Variants in ING4 observed in about 807,000 individuals in gnomAD.
ING4 encodes inhibitor of growth protein 4.
Under a neutral mutation model 33.1 loss-of-function variants are expected in ING4, and 28 were observed. That is an observed-to-expected ratio of 0.85 (90% CI 0.63 to 1.16). ING4 has a LOEUF of 1.16. Ranked by LOEUF, ING4 falls within the 50% of genes most tolerant of loss-of-function variation. The pLI, the probability that ING4 is intolerant of heterozygous loss-of-function variation, is 0.00. For synonymous variants in ING4, 87 were observed against 104.4 expected (o/e 0.83, Z 1.02); for missense variants, 247 against 314.7 (o/e 0.78, Z 1.63).
At chr12:6,656,446 A>C in intron 2 of ING4, 1 of 295,568 alleles carries the variant, frequency 3.4e-6, no homozygotes, top group African/African-American at 2.3e-5. Flanking sequence ...AAGTGCTGGG[A>C]TTACAGGTGT....
At chr12:6,660,870 G>C (rs1949525010) in intron 1 of ING4, among the ~76,000 whole-genome samples, 1 of 152,154 alleles carries the variant, frequency 6.6e-6, no homozygotes, top group African/African-American at 2.4e-5. Context: ...AGGCTGGAGT[G>C]CAATGGCGCA....
rs1949359895 is a variant in ING4 at position 6,656,575 on chromosome 12, A to G, written c.109+152T>C. The G allele has an allele frequency of 1.1e-5, 7 of 612,396 alleles. No homozygotes were observed. In the South Asian group the frequency reaches 1.2e-4, roughly 11 times the overall value. 37.9% of individuals were successfully genotyped at this position (612,396 alleles called of 1,614,324 possible). Reference sequence around the variant, plus strand: ...AAAAGCTGACACAGAAATGAGGATCATTATCCTGTTTTAAGAATTCCAAGA... The same window carrying G: ...AAAAGCTGACACAGAAATGAGGATCGTTATCCTGTTTTAAGAATTCCAAGA... On this transcript the variant is annotated intron_variant, in intron 2 of 7. Transcript: ENST00000341550.
chr12:6,653,345 C>T lies in ING4; in HGVS notation c.161G>A (p.Arg54His), dbSNP rs371595694. ...KLATEYMSSARSLSSEEKLAL... is the reference protein window; with the variant it reads ...KLATEYMSSAHSLSSEEKLAL... ...CAATTTTTCCTCGGAGCTCAGGCTG[C>T]GGGCACTACTCATATACTCAGTGGC... The change falls in exon 3 of 8, where the codon CGC becomes CAC. Residue 54 changes from arginine to histidine, a missense_variant. Arg to His is a conservative substitution (Grantham distance 29). Around this residue, in one of 3 missense-constraint regions of ING4, gnomAD observed 198 missense variants for 221.2 expected, o/e 0.89. Coordinates refer to ENST00000341550, the MANE Select transcript of ING4 (RefSeq NM_016162.4). The T allele has an allele frequency of 1.8e-5, 29 of 1,614,010 alleles. No homozygotes were observed. Among genetic ancestry groups the T allele is most frequent in the Middle Eastern group, 1.6e-4 (1 of 6,084 alleles).
At chr12:6,651,485 T>C (rs1949177745) in intron 6 of ING4, 100 bp from the exon 7 acceptor site, 1 of 971,238 alleles carries the variant, frequency 1.0e-6, no homozygotes, top group African/African-American at 1.6e-5. Context: ...CTTTACTCCA[T>C]CCTTTTGGAG....
At chr12:6,658,749 C>T (rs1287198907) in intron 1 of ING4, among the ~76,000 whole-genome samples, 3 of 152,134 alleles carry the variant, frequency 2.0e-5, no homozygotes, top group Non-Finnish European at 2.9e-5. Flanking sequence ...GTCACTCTCC[C>T]GCTTATAACC....
At chr12:6,653,446 G>C in intron 2 of ING4, 50 bp from the exon 3 acceptor site, 1 of 1,542,782 alleles carries the variant, frequency 6.5e-7, no homozygotes, top group East Asian at 2.3e-5. Context: ...GTGGCTAGGT[G>C]AAACACATTT....
intron 5 of ING4, 78 bp from the exon 6 acceptor site, chr12:6,652,496 A>G: frequency 6.6e-7 from 1 of 1,509,778 alleles, no homozygotes; most frequent in Non-Finnish European, 9.1e-7. Flanking sequence ...GTGGCAGGAG[A>G]TCCTGGTAGG....
In ING4 at chr12:6,653,054, G is replaced by A; in HGVS notation, c.277-4C>T. ...GCCGCCGAATGTGTTTGTCCACCTG[G>A]GTGGAAAGGAAGGAGAAAGGAGAGG... On this transcript the variant is annotated splice_region_variant and splice_polypyrimidine_tract_variant and intron_variant, in intron 3 of 7. Transcript: ENST00000341550. 1 of 1,613,676 alleles carries A rather than the reference G, an allele frequency of 6.2e-7. No homozygotes were observed. Among genetic ancestry groups the A allele is most frequent in the Non-Finnish European group, 8.5e-7 (1 of 1,179,666 alleles).
intron 2 of ING4, among the ~76,000 whole-genome samples, chr12:6,655,106 T>G (rs1949314135): frequency 6.6e-6 from 1 of 151,992 alleles, no homozygotes; most frequent in African/African-American, 2.4e-5. Context: ...TGCAGTAGTG[T>G]GATTTCAGCT....
rs75082820 is a variant in ING4, at chr12:6,660,805, C to T, written c.37+2260G>A. Among the ~76,000 whole-genome samples, 239 of 152,018 alleles carry T rather than the reference C, an allele frequency of 1.6e-3. 5 individuals are homozygous for T. In the East Asian group the frequency reaches 0.04, roughly 25 times the overall value. The stretch of plus-strand genomic sequence containing the variant: ...GCAGCAGTTGGCATGATCTTTTCTC[C>T]GCTGAGTAACTTTCTTTTCTTTTCT... On this transcript the variant is annotated intron_variant, in intron 1 of 7. Transcript: ENST00000341550.
intron 5 of ING4, 82 bp downstream of exon 5, chr12:6,652,580 G>T: frequency 4.3e-6 from 6 of 1,405,820 alleles, no homozygotes; most frequent in South Asian, 1.2e-5. Context: ...TATAGAAAGC[G>T]GCAGGGGGCG....
chr12:6,654,331 CT>C (rs1238643921), intron 2 of ING4, among the ~76,000 whole-genome samples: 434 of 138,746 alleles, frequency 3.1e-3, no homozygotes, highest in Non-Finnish European at 3.1e-3. Flanking sequence ...CTCTATTTTT[CT>C]TTTTTTTTTT....
At chr12:6,662,149 C>T (rs1949574405) in intron 1 of ING4, among the ~76,000 whole-genome samples, 1 of 152,194 alleles carries the variant, frequency 6.6e-6, no homozygotes, top group Non-Finnish European at 1.5e-5. Flanking sequence ...TTTGCGGATG[C>T]TTTCCCCAAC....
intron 1 of ING4, among the ~76,000 whole-genome samples, chr12:6,658,725 G>T (rs904336769): frequency 6.6e-6 from 1 of 152,006 alleles, no homozygotes; most frequent in Non-Finnish European, 1.5e-5. Flanking sequence ...AATAAAAAAT[G>T]CAAACCTAAT....
intron 2 of ING4, chr12:6,655,957 T>A (rs1272632887): frequency 4.4e-6 from 2 of 449,790 alleles, no homozygotes; most frequent in African/African-American, 4.0e-5. Context: ...CAATTACTGC[T>A]TTTTTTTCTT....
intron 1 of ING4, among the ~76,000 whole-genome samples, chr12:6,661,272 A>G (rs1352597402): frequency 6.7e-6 from 1 of 148,552 alleles, no homozygotes; most frequent in Non-Finnish European, 1.5e-5. Context: ...TATTTTTTTT[A>G]TTTTTAGTAG....
intron 3 of ING4, 65 bp from the exon 4 acceptor site, chr12:6,653,115 G>A: frequency 6.3e-7 from 1 of 1,597,874 alleles, no homozygotes; most frequent in South Asian, 1.1e-5. Flanking sequence ...AATAGGTTAA[G>A]GCAGAGTTTA....
intron 1 of ING4, chr12:6,657,701 G>A (rs1949407064): frequency 6.6e-6 from 1 of 151,928 alleles, no homozygotes; most frequent in Admixed American, 6.6e-5. Flanking sequence ...GGAGGTTGAG[G>A]CGGGTGGATC....
chr12:6,651,703 G>A (rs1280029457), intron 6 of ING4, among the ~76,000 whole-genome samples: 1 of 151,852 alleles, frequency 6.6e-6, no homozygotes, highest in Non-Finnish European at 1.5e-5. Context: ...TATCATGCCT[G>A]GCTAATTTTT....
Sources: allele counts gnomAD v4.1 joint callset (sites outside exome capture counted in the v4.1 genomes callset), GRCh38; gene constraint gnomAD v4.1.1; regional missense constraint gnomAD v4.1.1; transcripts MANE v1.5; gene names NCBI Gene and HGNC (gene_info 2026-07-23, HGNC 2026-07-21).